Variants in CLMN observed in about 807,000 individuals in gnomAD.
CLMN encodes the protein calmin (calponin-like, transmembrane).
In CLMN, 57 loss-of-function variants were observed where a neutral mutation model predicts 92.7. The ratio of observed to expected loss-of-function variants is 0.61; its 90% confidence interval spans 0.50 to 0.77. The LOEUF (loss-of-function observed/expected upper bound fraction) is 0.77. Among genes scored for constraint, CLMN ranks in the 30% least tolerant of loss-of-function variants. CLMN has a pLI of 0.00. For synonymous variants in CLMN, 466 were observed against 470.6 expected, an observed-to-expected ratio of 0.99 and a Z score of 0.13; for missense variants, 1,158 against 1,237.5, an observed-to-expected ratio of 0.94 and a Z score of 0.96.
At chr14:95,302,436 C>G (rs1270237652) in intron 1 of CLMN, among the ~76,000 whole-genome samples, 1 of 152,132 alleles carries the variant, frequency 6.6e-6, no homozygotes, top group Admixed American at 6.5e-5. Context: ...CAAAATGTTA[C>G]ATTTTCCAGT....
rs1019341880 is a variant in CLMN, at chr14:95,186,354, C to G, written c.*5210G>C. The G allele has an allele frequency of 2.0e-5, 3 of 152,250 alleles. No individual in the cohort carries two copies. Among genetic ancestry groups the G allele is most frequent in the African/African-American group, 7.2e-5 (3 of 41,414 alleles). 9.4% of individuals were successfully genotyped at this position (152,250 alleles called of 1,614,324 possible). A position where few individuals can be genotyped will look rare whatever the true frequency, so the allele number is the denominator to read the frequency against. ...GCTGAACCTCAGAAATGGAGACGCC[C>G]ATGTTCTGGGTGGCTGCCCGAGGGG... is the stretch of plus-strand genomic sequence containing the variant. On this transcript the variant is annotated 3_prime_UTR_variant, in exon 13 of 13. Coordinates refer to ENST00000298912, the MANE Select transcript of CLMN (RefSeq NM_024734.4).
At chr14:95,202,264 C>T (rs781072524) in intron 9 of CLMN, among the ~76,000 whole-genome samples, 7 of 152,128 alleles carry the variant, frequency 4.6e-5, no homozygotes, top group South Asian at 2.1e-4. Flanking sequence ...CTGACATAAT[C>T]GCCATTCTTA....
intron 1 of CLMN, among the ~76,000 whole-genome samples, chr14:95,230,488 C>T (rs753444890): frequency 2.0e-5 from 3 of 152,218 alleles, no homozygotes; most frequent in Non-Finnish European, 2.9e-5. Flanking sequence ...TGCATGGTCA[C>T]CCAGTGGCAG....
At chr14:95,275,889 C>G (rs1379110888) in intron 1 of CLMN, among the ~76,000 whole-genome samples, 2 of 152,134 alleles carry the variant, frequency 1.3e-5, no homozygotes, top group Non-Finnish European at 2.9e-5. Flanking sequence ...TCTCGAGCAC[C>G]TGAGCTCAAG....
intron 1 of CLMN, among the ~76,000 whole-genome samples, chr14:95,282,054 C>A (rs1029499053): frequency 6.6e-6 from 1 of 152,182 alleles, no homozygotes; most frequent in Admixed American, 6.5e-5. Context: ...TTCCTCAGAG[C>A]ATCAGCTTAA....
chr14:95,238,579 T>C (rs1434314843), intron 1 of CLMN, among the ~76,000 whole-genome samples: 1 of 152,188 alleles, frequency 6.6e-6, no homozygotes, highest in Non-Finnish European at 1.5e-5. Flanking sequence ...ATGCAACTAC[T>C]ACAGGTAAGT....
At chr14:95,295,367 G>A (rs1900759167) in intron 1 of CLMN, among the ~76,000 whole-genome samples, 1 of 152,232 alleles carries the variant, frequency 6.6e-6, no homozygotes, top group Non-Finnish European at 1.5e-5. Flanking sequence ...TGCATGCCAG[G>A]CATTGTGCCA....
intron 1 of CLMN, among the ~76,000 whole-genome samples, chr14:95,247,164 G>C (rs901430285): frequency 2.0e-5 from 3 of 152,134 alleles, no homozygotes; most frequent in African/African-American, 7.2e-5. Flanking sequence ...TGATTGGATG[G>C]GTCACTATGG....
At position 95,196,710 on chromosome 14, in the gene CLMN, A is replaced by G; in HGVS notation, c.2512-16T>C. The G allele has an allele frequency of 5.6e-6, 9 of 1,609,680 alleles. No individual in the cohort carries two copies. The highest frequency in any genetic ancestry group is 7.6e-6 in the Non-Finnish European group (9 of 1,177,986). ...ATTCCTGGGACTGAAAGACAGAACAACCAAATCCAAGTCAGTATGTCACGC... is the reference window on the plus strand; with the variant it reads ...ATTCCTGGGACTGAAAGACAGAACAGCCAAATCCAAGTCAGTATGTCACGC... On this transcript the variant is annotated splice_polypyrimidine_tract_variant and intron_variant, in intron 9 of 12. Transcript: ENST00000298912.
At chr14:95,222,258 G>A (rs1181914413) in intron 3 of CLMN, 15 of 226,144 alleles carry the variant, frequency 6.6e-5, no homozygotes, top group Non-Finnish European at 5.4e-5. Context: ...AGATGTTTCT[G>A]TTTTCTAGCC....
In CLMN at chr14:95,255,054, T is replaced by C. The variant is rs114745231; in HGVS notation, c.83-24921A>G. Among the ~76,000 whole-genome samples the C allele has an allele frequency of 5.7e-3, 865 of 152,202 alleles. 6 individuals are homozygous for C. The highest frequency in any genetic ancestry group is 0.02 in the African/African-American group (830 of 41,516). On this transcript the variant is annotated intron_variant, in intron 1 of 12. Coordinates refer to ENST00000298912, the MANE Select transcript of CLMN (RefSeq NM_024734.4). ...CTCTAATCCAACCTGACAGTGTTCT[T>C]ATAAGAAGAGGACAATTGAACACTC...
In CLMN at chr14:95,190,854, A is replaced by G. The variant is rs1896543048; in HGVS notation, c.*710T>C. On this transcript the variant is annotated 3_prime_UTR_variant, in exon 13 of 13. Coordinates refer to ENST00000298912, the MANE Select transcript of CLMN (RefSeq NM_024734.4). ...ATCATGGTTCTATCTCAATCCAATC[A>G]ATGGAAAACTGAATTTCAAGTGTTA... 1 of 152,168 alleles carries G rather than the reference A, an allele frequency of 6.6e-6. No homozygotes were observed. Among genetic ancestry groups the G allele is most frequent in the African/African-American group, 2.4e-5 (1 of 41,416 alleles). The allele number at this position is 152,168 out of a possible 1,614,324, so 9.4% of individuals were successfully genotyped here. A position where few individuals can be genotyped will look rare whatever the true frequency, so the allele number is the denominator to read the frequency against.
intron 1 of CLMN, among the ~76,000 whole-genome samples, chr14:95,255,615 C>T (rs1364774351): frequency 6.6e-6 from 1 of 152,132 alleles, no homozygotes; most frequent in Non-Finnish European, 1.5e-5. Flanking sequence ...TTCCAGCAGC[C>T]TTAGCAAATG....
intron 1 of CLMN, among the ~76,000 whole-genome samples, chr14:95,297,615 A>T (rs1900859169): frequency 6.6e-6 from 1 of 152,172 alleles, no homozygotes; most frequent in Admixed American, 6.5e-5. Context: ...TGCAGTCTGT[A>T]GAGCATTTAG....
chr14:95,264,818 A>G (rs1304346838), intron 1 of CLMN, among the ~76,000 whole-genome samples: 1 of 151,940 alleles, frequency 6.6e-6, no homozygotes, highest in Non-Finnish European at 1.5e-5. Context: ...CACACCTATA[A>G]TCCCAGCTCT....
intron 1 of CLMN, among the ~76,000 whole-genome samples, chr14:95,288,484 T>C (rs138490169): frequency 1.1e-3 from 169 of 152,276 alleles, no homozygotes; most frequent in African/African-American, 3.8e-3. Context: ...CAATGGAAAC[T>C]ACAGCAGCTG....
At chr14:95,301,955 T>C (rs1363854668) in intron 1 of CLMN, among the ~76,000 whole-genome samples, 3 of 152,218 alleles carry the variant, frequency 2.0e-5, no homozygotes, top group Non-Finnish European at 4.4e-5. Flanking sequence ...ACTGACTAAG[T>C]GACCGATTCA....
At chr14:95,308,846 G>C (rs78305916) in intron 1 of CLMN, among the ~76,000 whole-genome samples, 8,134 of 152,254 alleles carry the variant, frequency 0.053, 242 homozygotes, top group Middle Eastern at 0.092. Flanking sequence ...GCACGCATGG[G>C]GGACCTTTTT....
Position 95,245,796 on chromosome 14 carries a change from T to TTGGA in CLMN, c.83-15667_83-15664dup, listed in dbSNP as rs150318487. Among the ~76,000 whole-genome samples the TTGGA allele has an allele frequency of 3.3e-3, 460 of 140,360 alleles. 3 individuals are homozygous for TTGGA. The highest frequency in any genetic ancestry group is 0.012 in the African/African-American group (428 of 37,092). The allele number at this position is 140,360 out of a possible 152,430, so 92.1% of individuals were successfully genotyped here. On this transcript the variant is annotated intron_variant, in intron 1 of 12. Transcript: ENST00000298912. ...GATAGGTGGGTGGGTGGTTGGATTA[T>TTGGA]TGGATGGATGGATGGATGGACGGAT...
Sources: allele counts gnomAD v4.1 joint callset (sites outside exome capture counted in the v4.1 genomes callset), GRCh38; gene constraint gnomAD v4.1.1; transcripts MANE v1.5; gene names NCBI Gene and HGNC (gene_info 2026-07-23, HGNC 2026-07-21).